The following ZNF382 variants were observed in gnomAD, a reference collection of about 807,000 sequenced individuals.
ZNF382 encodes the protein KRAB/zinc finger suppressor protein 1.
In ZNF382, 20 loss-of-function variants were observed where a neutral mutation model predicts 38.8. The observed-to-expected ratio is 0.51, with a 90% CI of 0.36 to 0.75. ZNF382 has a LOEUF of 0.75. Among genes scored for constraint, ZNF382 ranks in the 30% least tolerant of loss-of-function variants. ZNF382 has a pLI of 0.00. For synonymous variants in ZNF382, 202 were observed against 223.1 expected, an observed-to-expected ratio of 0.91 and a Z score of 0.84; for missense variants, 546 against 654.1, an observed-to-expected ratio of 0.83 and a Z score of 1.80.
Position 36,627,385 on chromosome 19 carries a change from G to T in ZNF382, c.1488G>T (p.Gln496His), listed in dbSNP as rs1403153679. ...GAGAAAAATCCAATGGGTGTCCTCA[G>T]TGTGGGAAAGCCTTCAGTAGGAAAT... is the stretch of plus-strand genomic sequence containing the variant. ...HTGEKSNGCP[Q>H]CGKAFSRKSN... Residue 496 changes from glutamine (Q) to histidine (H), a missense_variant, in exon 5 of 5, where the codon CAG becomes CAT. Gln to His is a conservative substitution (Grantham distance 24). Transcript: ENST00000292928. 1.2e-6 allele frequency: 2 copies of T among 1,614,180 alleles called. No homozygotes were observed. Among genetic ancestry groups the T allele is most frequent in the Non-Finnish European group, 1.7e-6 (2 of 1,180,040 alleles).
intron 4 of ZNF382, among the ~76,000 whole-genome samples, chr19:36,616,817 G>C (rs1219850128): frequency 6.6e-6 from 1 of 152,008 alleles, no homozygotes; most frequent in African/African-American, 2.4e-5. Context: ...TTTCTTTTGG[G>C]GGCCCCTTGA....
chr19:36,626,986 GA>G lies in ZNF382; in HGVS notation c.1091del (p.Lys364ArgfsTer181). Reference protein sequence around the residue: ...CIDCGKSFRQKATLTRHHKTH... With the variant: ...CIDCGKSFRQXATLTRHHKTH... ...TCGATTGTGGGAAGTCCTTCCGCCA[GA>G]AGGCCACCCTCACTAGACATCACAA... On this transcript the variant is annotated frameshift_variant, in exon 5 of 5. Coordinates refer to ENST00000292928, the MANE Select transcript of ZNF382 (RefSeq NM_032825.5). LOFTEE classifies it high-confidence loss of function. The G allele has an allele frequency of 6.2e-7, 1 of 1,614,158 alleles. No individual in the cohort carries two copies. Among genetic ancestry groups the G allele is most frequent in the East Asian group, 2.2e-5 (1 of 44,884 alleles).
At chr19:36,625,633 C>A (rs532991021) in intron 4 of ZNF382, among the ~76,000 whole-genome samples, 2 of 151,650 alleles carry the variant, frequency 1.3e-5, no homozygotes, top group African/African-American at 4.8e-5. Context: ...AATCTCGGCT[C>A]ACTACAACCT....
rs1020485378 is a variant in ZNF382, at chr19:36,626,153, G to C, written c.256G>C (p.Val86Leu). The C allele has an allele frequency of 6.4e-7, 1 of 1,554,898 alleles. No individual in the cohort carries two copies. The highest frequency in any genetic ancestry group is 2.2e-5 in the Admixed American group (1 of 46,350). Reference protein sequence around the residue: ...YLEEDGKTEDVLVKFKEYQDR... With the variant: ...YLEEDGKTEDLLVKFKEYQDR... ...AGAAGAAGATGGGAAAACTGAAGAT[G>C]TCTTAGTGAAGTTCAAAGAATACCA... The change falls in exon 5 of 5, where the codon GTC becomes CTC. Residue 86 changes from valine (V) to leucine (L), a missense_variant. Physicochemically the swap from Val to Leu is conservative, Grantham distance 32. Coordinates refer to ENST00000292928, the MANE Select transcript of ZNF382 (RefSeq NM_032825.5).
At chr19:36,610,999 C>G (rs1413557835) in intron 4 of ZNF382, among the ~76,000 whole-genome samples, 1 of 152,130 alleles carries the variant, frequency 6.6e-6, no homozygotes, top group African/African-American at 2.4e-5. Flanking sequence ...CTTCCCCTGG[C>G]CAGGTGAGGT....
chr19:36,623,330 C>T (rs2037184165), intron 4 of ZNF382, among the ~76,000 whole-genome samples: 1 of 152,156 alleles, frequency 6.6e-6, no homozygotes, highest in Non-Finnish European at 1.5e-5. Context: ...CCTCCAAAAA[C>T]ATGAGTTTTA....
intron 4 of ZNF382, among the ~76,000 whole-genome samples, chr19:36,617,486 C>T (rs2037134425): frequency 6.6e-6 from 1 of 152,126 alleles, no homozygotes; most frequent in East Asian, 1.9e-4. Flanking sequence ...AAGGTGTGCA[C>T]TTGGGGTCCT....
At chr19:36,607,809 C>T in intron 2 of ZNF382, 187 bp downstream of exon 2, 1 of 587,044 alleles carries the variant, frequency 1.7e-6, no homozygotes. Flanking sequence ...ACCCTCAGGG[C>T]TGTGCCCTCC....
intron 2 of ZNF382, chr19:36,607,959 T>A (rs1327959596): frequency 3.9e-6 from 1 of 257,538 alleles, no homozygotes; most frequent in Non-Finnish European, 7.4e-6. Flanking sequence ...ATATCATTCA[T>A]CATCTCCTTT....
chr19:36,613,239 T>C (rs2037093209), intron 4 of ZNF382, among the ~76,000 whole-genome samples: 1 of 152,196 alleles, frequency 6.6e-6, no homozygotes, highest in Non-Finnish European at 1.5e-5. Flanking sequence ...ATATTCATTT[T>C]AATGGTGTCT....
intron 1 of ZNF382, 119 bp from the exon 2 acceptor site, chr19:36,607,433 C>A: frequency 1.6e-6 from 1 of 644,242 alleles, no homozygotes; most frequent in Non-Finnish European, 2.7e-6. Flanking sequence ...CTGAAGGGTA[C>A]ACAGGGTGGA....
intron 1 of ZNF382, 72 bp from the exon 2 acceptor site, chr19:36,607,480 C>T: frequency 1.1e-6 from 1 of 886,366 alleles, no homozygotes; most frequent in East Asian, 2.7e-5. Flanking sequence ...GCAGATTTAA[C>T]TGAGTTAATT....
In ZNF382 at chr19:36,633,050, T is replaced by G. The variant is rs2037263270; in HGVS notation, c.*5500T>G. 1 of 152,066 alleles carries G rather than the reference T, an allele frequency of 6.6e-6. No homozygotes were observed. Among genetic ancestry groups the G allele is most frequent in the Non-Finnish European group, 1.5e-5 (1 of 68,018 alleles). The allele number at this position is 152,066 out of a possible 1,614,324, so 9.4% of individuals were successfully genotyped here. A position where few individuals can be genotyped will look rare whatever the true frequency, so the allele number is the denominator to read the frequency against. ...ATCAGTTTATAATCAGGCTTTTTTT[T>G]TTTTTTTGAGACAGTGTCTCGCTCT... On this transcript the variant is annotated 3_prime_UTR_variant, in exon 5 of 5. Transcript: ENST00000292928.
At chr19:36,610,275 G>A (rs1568627178) in intron 3 of ZNF382, among the ~76,000 whole-genome samples, 1 of 152,104 alleles carries the variant, frequency 6.6e-6, no homozygotes, top group African/African-American at 2.4e-5. Flanking sequence ...GGCCAACATG[G>A]TGAAACCCAG....
chr19:36,627,497 A>G lies in ZNF382; in HGVS notation c.1600A>G (p.Asn534Asp). 1.2e-6 allele frequency: 2 copies of G among 1,613,904 alleles called. No individual in the cohort carries two copies. Residue 534 changes from asparagine (N) to aspartate (D), a missense_variant, in exon 5 of 5, where the codon AAC (asparagine) becomes GAC (aspartate). Physicochemically the swap from Asn to Asp is conservative, Grantham distance 23. Coordinates refer to ENST00000292928, the MANE Select transcript of ZNF382 (RefSeq NM_032825.5). The part of the protein sequence containing the change: ...QCGKFFSCKS[N>D]LIVHQKTHKV... ...TGGGAAGTTCTTCAGTTGTAAGTCA[A>G]ACCTCATTGTCCATCAGAAAACTCA... is the stretch of plus-strand genomic sequence containing the variant.
rs1555793085 is a variant in ZNF382, at chr19:36,614,914, C to CTTCCCT, written c.232+4210_232+4215dup. On this transcript the variant is annotated intron_variant, in intron 4 of 4. Transcript: ENST00000292928. ...CTTTCCTTTCCTTTCCTTTCCTTTCCTTCCCTTTCCCTTTCCCTTTCCCTT... is the reference window on the plus strand; with the variant it reads ...CTTTCCTTTCCTTTCCTTTCCTTTCCTTCCCTTTCCCTTTCCCTTTCCCTTTCCCTT... Among the ~76,000 whole-genome samples the CTTCCCT allele has an allele frequency of 5.0e-3, 452 of 90,722 alleles. 3 individuals are homozygous for CTTCCCT. Among genetic ancestry groups the CTTCCCT allele is most frequent in the South Asian group, 8.7e-3 (25 of 2,886 alleles). 59.5% of individuals were successfully genotyped at this position (90,722 alleles called of 152,430 possible).
chr19:36,616,081 A>G (rs1339144235), intron 4 of ZNF382, among the ~76,000 whole-genome samples: 1 of 152,158 alleles, frequency 6.6e-6, no homozygotes, highest in Non-Finnish European at 1.5e-5. Context: ...TCTTTAAGGG[A>G]GTTTATAAAT....
At chr19:36,618,264 C>A (rs1291928056) in intron 4 of ZNF382, among the ~76,000 whole-genome samples, 1 of 152,180 alleles carries the variant, frequency 6.6e-6, no homozygotes, top group Non-Finnish European at 1.5e-5. Flanking sequence ...TTCTTGTTGT[C>A]ACAGGGCTAG....
chr19:36,621,135 T>G (rs766279671), intron 4 of ZNF382, among the ~76,000 whole-genome samples: 1 of 152,158 alleles, frequency 6.6e-6, no homozygotes, highest in Non-Finnish European at 1.5e-5. Context: ...AGTATAAAAT[T>G]GAGTCCATCA....
Sources: allele counts gnomAD v4.1 joint callset (sites outside exome capture counted in the v4.1 genomes callset), GRCh38; gene constraint gnomAD v4.1.1; transcripts MANE v1.5; gene names NCBI Gene and HGNC (gene_info 2026-07-23, HGNC 2026-07-21).